The following STK32C variants were observed in gnomAD, a reference collection of about 807,000 sequenced individuals.
The protein encoded by STK32C is serine/threonine kinase 32C.
STK32C carries 31 observed loss-of-function variants against 56.5 expected under a neutral mutation model. That is an observed-to-expected ratio of 0.55 (90% confidence interval 0.41 to 0.74). The LOEUF (loss-of-function observed/expected upper bound fraction) is 0.74, where lower values mean the gene tolerates loss of function less well. Ranked by LOEUF, STK32C falls within the 30% of genes least tolerant of loss-of-function variation. The pLI is 0.00. For synonymous variants in STK32C, 309 were observed against 289.4 expected, an observed-to-expected ratio of 1.07 and a Z score of -0.69; for missense variants, 544 against 676.9, an observed-to-expected ratio of 0.80 and a Z score of 2.18.
chr10:132,249,948 A>G (rs1486031551), intron 1 of STK32C, among the ~76,000 whole-genome samples: 2 of 152,198 alleles, frequency 1.3e-5, no homozygotes, highest in African/African-American at 4.8e-5. Flanking sequence ...CACTCAGCGG[A>G]GGAGATAAGG....
chr10:132,277,171 G>A (rs542070361), intron 1 of STK32C, among the ~76,000 whole-genome samples: 1 of 152,360 alleles, frequency 6.6e-6, no homozygotes, highest in East Asian at 1.9e-4. Context: ...GGATGCACAA[G>A]TTTGTGGATT....
intron 1 of STK32C, among the ~76,000 whole-genome samples, chr10:132,298,034 A>G (rs1439154843): frequency 6.6e-6 from 1 of 152,216 alleles, no homozygotes; most frequent in Non-Finnish European, 1.5e-5. Flanking sequence ...CTGGGGTTAG[A>G]GGTGGCTGAG....
chr10:132,301,486 G>A (rs1032334261), intron 1 of STK32C, among the ~76,000 whole-genome samples: 3 of 152,184 alleles, frequency 2.0e-5, no homozygotes, highest in Non-Finnish European at 4.4e-5. Flanking sequence ...GGGAGCGCCC[G>A]TTAGGTGTGG....
At chr10:132,322,934 CAG>C (rs2066437635), downstream of STK32C, among the ~76,000 whole-genome samples, 1 of 152,184 alleles carries the variant, frequency 6.6e-6, no homozygotes, top group South Asian at 2.1e-4. Flanking sequence ...TACTCAATCC[CAG>C]AGTGTTCTTA....
At chr10:132,241,075 A>G (rs1220599699) in intron 2 of STK32C, among the ~76,000 whole-genome samples, 1 of 152,192 alleles carries the variant, frequency 6.6e-6, no homozygotes, top group African/African-American at 2.4e-5. Flanking sequence ...CTTAGCACTC[A>G]CACCCCAAAC....
At chr10:132,278,844 T>A (rs2065067570) in intron 1 of STK32C, among the ~76,000 whole-genome samples, 2 of 152,164 alleles carry the variant, frequency 1.3e-5, no homozygotes, top group South Asian at 4.1e-4. Context: ...GCTACTTTTC[T>A]TACAAGGAAC....
intron 1 of STK32C, among the ~76,000 whole-genome samples, chr10:132,258,420 C>T (rs978055721): frequency 6.6e-6 from 1 of 152,256 alleles, no homozygotes; most frequent in Non-Finnish European, 1.5e-5. Flanking sequence ...CCCCCCATCA[C>T]CCCCCACGGG....
chr10:132,230,062 G>A (rs1032178660), intron 2 of STK32C, among the ~76,000 whole-genome samples: 1 of 152,214 alleles, frequency 6.6e-6, no homozygotes, highest in Non-Finnish European at 1.5e-5. Flanking sequence ...TCCTGAACAC[G>A]CGGCCACACC....
At chr10:132,270,427 G>A (rs1320186313) in intron 1 of STK32C, among the ~76,000 whole-genome samples, 1 of 152,244 alleles carries the variant, frequency 6.6e-6, no homozygotes, top group Non-Finnish European at 1.5e-5. Flanking sequence ...TGGCTGCAGG[G>A]GAGTGACCTC....
At chr10:132,274,137 C>CG (rs2064924486) in intron 1 of STK32C, among the ~76,000 whole-genome samples, 1 of 152,226 alleles carries the variant, frequency 6.6e-6, no homozygotes, top group Non-Finnish European at 1.5e-5. Flanking sequence ...CAGATGCCTG[C>CG]GGGGTCATTG....
intron 1 of STK32C, among the ~76,000 whole-genome samples, chr10:132,300,436 G>T (rs544160554): frequency 6.6e-6 from 1 of 152,276 alleles, no homozygotes; most frequent in Admixed American, 6.5e-5. Flanking sequence ...ATCTGGGGGG[G>T]ACAAAGCCAG....
At chr10:132,208,260 A>C in intron 11 of STK32C, 109 bp from the exon 12 acceptor site, 1 of 1,205,356 alleles carries the variant, frequency 8.3e-7, no homozygotes, top group Non-Finnish European at 1.1e-6. Flanking sequence ...GGATGCCCAA[A>C]CGTGGGCCAC....
intron 10 of STK32C, among the ~76,000 whole-genome samples, chr10:132,209,784 G>A (rs559324586): frequency 1.2e-4 from 19 of 152,308 alleles, no homozygotes; most frequent in African/African-American, 3.1e-4. Context: ...CACTACCAAC[G>A]CGTGAGCAAA....
chr10:132,287,476 A>T (rs1031658202), intron 1 of STK32C, among the ~76,000 whole-genome samples: 1 of 147,908 alleles, frequency 6.8e-6, no homozygotes, highest in African/African-American at 2.5e-5. Flanking sequence ...TGGGCGACAG[A>T]GCGAGACTCA....
intron 1 of STK32C, among the ~76,000 whole-genome samples, chr10:132,282,757 A>C (rs1439328518): frequency 6.6e-6 from 1 of 152,262 alleles, no homozygotes; most frequent in Non-Finnish European, 1.5e-5. Context: ...CCAGTTAAAC[A>C]TCTTAGCCAC....
At chr10:132,305,745 T>G (rs1316228174) in intron 1 of STK32C, among the ~76,000 whole-genome samples, 1 of 152,248 alleles carries the variant, frequency 6.6e-6, no homozygotes, top group East Asian at 1.9e-4. Flanking sequence ...CCAAGTTGTC[T>G]GTGCCCTGCC....
chr10:132,284,203 C>T (rs889581900), intron 1 of STK32C, among the ~76,000 whole-genome samples: 16 of 150,754 alleles, frequency 1.1e-4, no homozygotes, highest in African/African-American at 2.2e-4. Context: ...GGGTCCGCAG[C>T]GGCTTGCCGG....
chr10:132,280,778 T>C (rs1250470391), intron 1 of STK32C, among the ~76,000 whole-genome samples: 5 of 120,242 alleles, frequency 4.2e-5, no homozygotes, highest in Non-Finnish European at 7.0e-5. Flanking sequence ...GCCTCCACTC[T>C]GTGATCACGC....
At chr10:132,326,853 G>C (rs527638117) in intron 1 of STK32C, among the ~76,000 whole-genome samples, 182 of 152,278 alleles carry the variant, frequency 1.2e-3, no homozygotes, top group African/African-American at 4.2e-3. Context: ...CAGAGAAGAG[G>C]GGTCCATTCA....
Sources: allele counts gnomAD v4.1 joint callset (sites outside exome capture counted in the v4.1 genomes callset), GRCh38; gene constraint gnomAD v4.1.1; transcripts MANE v1.5; gene names NCBI Gene and HGNC (gene_info 2026-07-23, HGNC 2026-07-21).